SLC13A3: variants seen among roughly 807,000 people sequenced by gnomAD.
SLC13A3 encodes Na(+)/dicarboxylate cotransporter 3.
In SLC13A3, 40 loss-of-function variants were observed where a neutral mutation model predicts 59.0. The ratio of observed to expected loss-of-function variants is 0.68; its 90% CI spans 0.53 to 0.88. SLC13A3 has a LOEUF of 0.88. Among genes scored for constraint, SLC13A3 ranks in the 40% least tolerant of loss-of-function variants. The probability of loss-of-function intolerance (pLI) is 0.00; values close to 1 mark genes in which losing one functional copy is unlikely to be tolerated. For missense variants in SLC13A3, 699 were observed against 783.2 expected (o/e 0.89, Z 1.28); for synonymous variants, 317 against 330.3 (o/e 0.96, Z 0.44).
In SLC13A3 at chr20:46,675,418, T is replaced by C. The variant is rs1479324738; in HGVS notation, c.-31+8978A>G. Among the ~76,000 whole-genome samples, 4 of 147,768 alleles carry C rather than the reference T, an allele frequency of 2.7e-5. No individual in the cohort carries two copies. The East Asian group carries it at 7.9e-4, about 29-fold the overall frequency. The stretch of plus-strand genomic sequence containing the variant: ...CTAATTTTTTTTCTTTTTTTTTTTT[T>C]TTTTTTCAGTAGAGACAAGGTTTCA... On this transcript the variant is annotated intron_variant, in intron 1 of 6. Coordinates refer to the SLC13A3 transcript ENST00000372121.
chr20:46,571,320 A>C (rs1357196170), intron 10 of SLC13A3, among the ~76,000 whole-genome samples: 3 of 152,230 alleles, frequency 2.0e-5, no homozygotes, highest in Non-Finnish European at 4.4e-5. Flanking sequence ...GGGAGAATAC[A>C]CATTTTCTCC....
chr20:46,576,238 C>G lies in SLC13A3; in HGVS notation c.1220-553G>C, dbSNP rs114659146. On this transcript the variant is annotated intron_variant, in intron 9 of 12. Transcript: ENST00000279027. The stretch of plus-strand genomic sequence containing the variant: ...GCAGGCCACACAGTCTCTGTTGTCA[C>G]TACTCCGTCGTTGTAGCATGAAAAC... Among the ~76,000 whole-genome samples, 554 of 152,250 alleles carry G rather than the reference C, an allele frequency of 3.6e-3. 3 individuals are homozygous for G. Among genetic ancestry groups the G allele is most frequent in the African/African-American group, 0.012 (510 of 41,540 alleles).
intron 3 of SLC13A3, among the ~76,000 whole-genome samples, chr20:46,603,476 G>A (rs2062401574): frequency 6.6e-6 from 1 of 151,732 alleles, no homozygotes; most frequent in African/African-American, 2.4e-5. Flanking sequence ...CCAGGCTCAA[G>A]TGATCCTCCC....
chr20:46,681,081 C>T (rs147831422), intron 1 of SLC13A3, among the ~76,000 whole-genome samples: 11 of 152,328 alleles, frequency 7.2e-5, no homozygotes, highest in East Asian at 3.9e-4. Context: ...TAAGGAAGAA[C>T]GGAAGGGGCC....
intron 1 of SLC13A3, among the ~76,000 whole-genome samples, chr20:46,663,203 G>C (rs1227911177): frequency 6.6e-6 from 1 of 151,992 alleles, no homozygotes; most frequent in Non-Finnish European, 1.5e-5. Flanking sequence ...CAGCACTCTG[G>C]GAGACTGAGG....
intron 8 of SLC13A3, among the ~76,000 whole-genome samples, chr20:46,586,024 A>G (rs2062187170): frequency 6.6e-6 from 1 of 152,220 alleles, no homozygotes; most frequent in Admixed American, 6.5e-5. Context: ...TAAAGCACAC[A>G]CCAGATTTTG....
intron 8 of SLC13A3, chr20:46,585,471 A>T (rs1190261709): frequency 3.0e-6 from 3 of 994,718 alleles, no homozygotes; most frequent in African/African-American, 1.7e-5. Flanking sequence ...CTGTTAAAAA[A>T]ATCTTCTTTT....
intron 11 of SLC13A3, among the ~76,000 whole-genome samples, chr20:46,566,024 T>A (rs562110603): frequency 5.2e-4 from 79 of 152,372 alleles, no homozygotes; most frequent in Middle Eastern, 3.4e-3. Context: ...TTGGGAGCAC[T>A]TTGAAAATAT....
intron 1 of SLC13A3, among the ~76,000 whole-genome samples, chr20:46,630,977 G>A (rs2062730500): frequency 6.6e-6 from 1 of 152,300 alleles, no homozygotes; most frequent in Admixed American, 6.5e-5. Context: ...GATACATACA[G>A]TAGCTCAATA....
upstream of SLC13A3, among the ~76,000 whole-genome samples, chr20:46,654,980 G>C (rs142008312): frequency 6.6e-6 from 1 of 152,310 alleles, no homozygotes. Flanking sequence ...CTTGAGAAAT[G>C]CTATGCACCT....
At chr20:46,674,604 C>CGTGTGTGT (rs58582046), upstream of SLC13A3, among the ~76,000 whole-genome samples, 1,501 of 127,854 alleles carry the variant, frequency 0.012, 18 homozygotes, top group East Asian at 0.017. Context: ...CGCGCGCGCG[C>CGTGTGTGT]GTGTGTGTGT....
At chr20:46,643,490 T>G (rs1403849234) in intron 1 of SLC13A3, among the ~76,000 whole-genome samples, 1 of 152,024 alleles carries the variant, frequency 6.6e-6, no homozygotes, top group Non-Finnish European at 1.5e-5. Flanking sequence ...GAGAGCAAGC[T>G]TGGGATATTT....
chr20:46,669,647 C>T (rs1010985275), intron 1 of SLC13A3, among the ~76,000 whole-genome samples: 3 of 152,102 alleles, frequency 2.0e-5, no homozygotes, highest in African/African-American at 7.2e-5. Flanking sequence ...CCACTGGCAC[C>T]CAAGGCAAAT....
At chr20:46,626,725 A>C (rs1238259410) in intron 1 of SLC13A3, among the ~76,000 whole-genome samples, 1 of 149,336 alleles carries the variant, frequency 6.7e-6, no homozygotes, top group African/African-American at 2.5e-5. Flanking sequence ...TTAAGAACAA[A>C]ACTAACTTCC....
intron 10 of SLC13A3, among the ~76,000 whole-genome samples, chr20:46,574,835 T>C (rs1398218132): frequency 1.9e-5 from 1 of 51,380 alleles, no homozygotes; most frequent in Non-Finnish European, 4.7e-5. Flanking sequence ...GTTTTTTTCT[T>C]TTTCTTTTTT....
chr20:46,572,027 C>A (rs2062032858), intron 10 of SLC13A3, among the ~76,000 whole-genome samples: 1 of 152,128 alleles, frequency 6.6e-6, no homozygotes, highest in Admixed American at 6.5e-5. Context: ...TTGGACTTGA[C>A]TTTAAGTCTA....
chr20:46,632,425 T>C (rs1011846094), intron 1 of SLC13A3, among the ~76,000 whole-genome samples: 6 of 149,136 alleles, frequency 4.0e-5, no homozygotes, highest in Admixed American at 1.3e-4. Flanking sequence ...AGAATCACCA[T>C]GGTGGGACAT....
intron 1 of SLC13A3, among the ~76,000 whole-genome samples, chr20:46,630,898 G>A (rs932788720): frequency 1.3e-5 from 2 of 152,164 alleles, no homozygotes; most frequent in African/African-American, 4.8e-5. Flanking sequence ...GTGTGCTGTA[G>A]ACATATGATC....
chr20:46,634,271 G>T (rs984006803), intron 1 of SLC13A3, among the ~76,000 whole-genome samples: 2 of 152,168 alleles, frequency 1.3e-5, no homozygotes, highest in African/African-American at 2.4e-5. Context: ...GAGCAGAACT[G>T]ATTTTCGTGT....
Sources: gnomAD v4.1 joint callset for allele counts (sites outside exome capture counted in the v4.1 genomes callset) on GRCh38, gnomAD v4.1.1 for gene constraint, MANE v1.5 for transcripts, NCBI Gene and HGNC (gene_info 2026-07-23, HGNC 2026-07-21) for gene names.